IRF2: variants seen among roughly 807,000 people sequenced by gnomAD.
IRF2 encodes the protein interferon regulatory factor 2.
Under a neutral mutation model 40.6 loss-of-function variants are expected in IRF2, and 15 were observed. The observed-to-expected ratio is 0.37, with a 90% CI of 0.25 to 0.57. The LOEUF (loss-of-function observed/expected upper bound fraction) is 0.57. Among genes scored for constraint, IRF2 ranks in the 20% least tolerant of loss-of-function variants. The probability of loss-of-function intolerance (pLI) is 0.77; values close to 1 mark genes in which losing one functional copy is unlikely to be tolerated. For synonymous variants in IRF2, 151 were observed against 165.5 expected, an observed-to-expected ratio of 0.91 and a Z score of 0.67; for missense variants, 317 against 455.7, an observed-to-expected ratio of 0.70 and a Z score of 2.77.
chr4:184,419,012 T>C (rs6819801), intron 3 of IRF2, among the ~76,000 whole-genome samples: 114,532 of 152,098 alleles, frequency 0.75, 43,380 homozygotes, highest in Non-Finnish European at 0.79. Context: ...AAGAAAAATA[T>C]AGAAGACTGA....
At chr4:184,433,748 T>C (rs1737975392) in intron 1 of IRF2, among the ~76,000 whole-genome samples, 2 of 152,190 alleles carry the variant, frequency 1.3e-5, no homozygotes, top group Admixed American at 1.3e-4. Flanking sequence ...CCTTCTCCTT[T>C]GTGACTTGAT....
chr4:184,438,620 C>A (rs966063458), intron 1 of IRF2, among the ~76,000 whole-genome samples: 16 of 152,174 alleles, frequency 1.1e-4, no homozygotes, highest in Non-Finnish European at 1.5e-5. Flanking sequence ...AAGTAGAATG[C>A]AGAAGAGGAT....
intron 1 of IRF2, among the ~76,000 whole-genome samples, chr4:184,460,613 A>G (rs960245482): frequency 6.6e-6 from 1 of 151,936 alleles, no homozygotes; most frequent in African/African-American, 2.4e-5. Flanking sequence ...AGTATTCACT[A>G]TAGCCAAACA....
At chr4:184,424,684 G>A (rs11947287) in intron 2 of IRF2, among the ~76,000 whole-genome samples, 30,044 of 152,152 alleles carry the variant, frequency 0.2, 3,111 homozygotes, top group African/African-American at 0.25. Flanking sequence ...CTCCATAACT[G>A]TAAGAAATAA....
intron 1 of IRF2, among the ~76,000 whole-genome samples, chr4:184,435,756 G>A (rs948866358): frequency 1.4e-4 from 22 of 152,070 alleles, no homozygotes; most frequent in African/African-American, 5.1e-4. Context: ...GCTAGGAAAA[G>A]GGGTTCCTGG....
At chr4:184,445,005 GC>G (rs1317936490) in intron 1 of IRF2, among the ~76,000 whole-genome samples, 1 of 152,216 alleles carries the variant, frequency 6.6e-6, no homozygotes, top group Non-Finnish European at 1.5e-5. Context: ...TCCAGGCCCT[GC>G]CGTACCATGG....
At chr4:184,466,886 A>G (rs2149919631) in intron 1 of IRF2, among the ~76,000 whole-genome samples, 1 of 152,322 alleles carries the variant, frequency 6.6e-6, no homozygotes, top group South Asian at 2.1e-4. Context: ...ACCGTAGGCC[A>G]CTGTAGCACA....
chr4:184,455,116 T>C (rs536505606), intron 1 of IRF2, among the ~76,000 whole-genome samples: 67 of 152,202 alleles, frequency 4.4e-4, no homozygotes, highest in Non-Finnish European at 7.6e-4. Context: ...ACAACGCCCA[T>C]TGAATAAAAT....
chr4:184,447,594 T>C (rs1738559582), intron 1 of IRF2, among the ~76,000 whole-genome samples: 2 of 152,218 alleles, frequency 1.3e-5, no homozygotes, highest in African/African-American at 2.4e-5. Context: ...AACTTTATCA[T>C]GGAGAAGGCT....
chr4:184,395,166 C>T (rs1417831779), intron 7 of IRF2, among the ~76,000 whole-genome samples: 1 of 152,004 alleles, frequency 6.6e-6, no homozygotes. Flanking sequence ...AATCCCAGCA[C>T]TTTGGGAGGC....
rs1036013193 is a variant in IRF2 at position 184,448,500 on chromosome 4, C to T, written c.-6-19430G>A. ...AGAAATAAGACGGCCAAAGAGCTCT[C>T]GTGCGTATTTGAGAGAAAAGCGCTC... On this transcript the variant is annotated intron_variant, in intron 1 of 8. Transcript: ENST00000393593. The surrounding 1 kb of genome is among the most constrained non-coding windows in gnomAD (Gnocchi z 4.3). 2.6e-5 allele frequency among the ~76,000 whole-genome samples: 4 copies of T among 152,176 alleles called. No homozygotes were observed. Among genetic ancestry groups the T allele is most frequent in the Non-Finnish European group, 4.4e-5 (3 of 68,024 alleles).
chr4:184,443,657 T>A (rs1237819989), intron 1 of IRF2, among the ~76,000 whole-genome samples: 1 of 152,236 alleles, frequency 6.6e-6, no homozygotes, highest in African/African-American at 2.4e-5. Flanking sequence ...CTATTGTGAA[T>A]AGTGTTGCAA....
intron 5 of IRF2, among the ~76,000 whole-genome samples, chr4:184,415,434 T>C (rs886763903): frequency 6.6e-6 from 1 of 152,224 alleles, no homozygotes; most frequent in African/African-American, 2.4e-5. Context: ...CTTGCTCATT[T>C]CAGGGCCATG....
intron 1 of IRF2, among the ~76,000 whole-genome samples, chr4:184,471,560 T>C (rs145661015): frequency 4.9e-4 from 75 of 152,356 alleles, no homozygotes; most frequent in African/African-American, 1.8e-3. Context: ...AAGGATATTA[T>C]GTGAAAATGC....
intron 1 of IRF2, among the ~76,000 whole-genome samples, chr4:184,433,527 C>T (rs1468124151): frequency 6.6e-6 from 1 of 152,208 alleles, no homozygotes; most frequent in Admixed American, 6.5e-5. Flanking sequence ...GAAAAGTTCA[C>T]AATCTTCAAT....
At chr4:184,470,701 A>G (rs1345209360) in intron 1 of IRF2, among the ~76,000 whole-genome samples, 6 of 138,428 alleles carry the variant, frequency 4.3e-5, no homozygotes, top group African/African-American at 1.1e-4. Flanking sequence ...AAAAAAAAAA[A>G]AAAGAAAAGA....
intron 1 of IRF2, among the ~76,000 whole-genome samples, chr4:184,447,990 G>A (rs1211613024): frequency 2.0e-5 from 3 of 152,218 alleles, no homozygotes; most frequent in Admixed American, 1.3e-4. Context: ...CCGTGCCAGG[G>A]TCTCAATGGA....
intron 7 of IRF2, among the ~76,000 whole-genome samples, chr4:184,392,878 T>C (rs1006895232): frequency 6.6e-6 from 1 of 152,004 alleles, no homozygotes; most frequent in African/African-American, 2.4e-5. Flanking sequence ...GACAGATCTC[T>C]CCACTCCTCG....
intron 6 of IRF2, among the ~76,000 whole-genome samples, chr4:184,402,622 C>T (rs1391404353): frequency 2.6e-5 from 4 of 151,972 alleles, no homozygotes; most frequent in African/African-American, 4.8e-5. Flanking sequence ...GTGATGGGGC[C>T]GAGGCTCACT....
Sources: allele counts gnomAD v4.1 joint callset (sites outside exome capture counted in the v4.1 genomes callset), GRCh38; gene constraint gnomAD v4.1.1; non-coding constraint Gnocchi (gnomAD v3.1); transcripts MANE v1.5; gene names NCBI Gene and HGNC (gene_info 2026-07-23, HGNC 2026-07-21).